Variants in TTC17 observed in about 807,000 individuals in gnomAD.
TTC17 encodes the protein tetratricopeptide repeat protein 17.
Under a neutral mutation model 143.8 loss-of-function variants are expected in TTC17, and 58 were observed. The observed-to-expected ratio is 0.40, with a 90% CI of 0.33 to 0.50. The LOEUF is 0.50. Among genes scored for constraint, TTC17 ranks in the 20% least tolerant of loss-of-function variants. TTC17 has a pLI of 0.49. For synonymous variants in TTC17, 501 were observed against 497.8 expected (o/e 1.01, Z -0.09); for missense variants, 1,273 against 1,392.5 (o/e 0.91, Z 1.37).
chr11:43,391,771 C>T (rs1857398708), intron 4 of TTC17, 50 bp from the exon 5 acceptor site: 1 of 1,586,396 alleles, frequency 6.3e-7, no homozygotes, highest in African/African-American at 1.4e-5. Context: ...AATTATTTGT[C>T]ATCTTTTATA....
intron 21 of TTC17, among the ~76,000 whole-genome samples, chr11:43,480,863 A>G (rs554002431): frequency 6.6e-5 from 10 of 151,522 alleles, no homozygotes; most frequent in African/African-American, 2.2e-4. Flanking sequence ...AGGATGAGCC[A>G]AAAAAAATCA....
At chr11:43,368,827 C>G (rs1450621097) in intron 1 of TTC17, among the ~76,000 whole-genome samples, 2 of 152,230 alleles carry the variant, frequency 1.3e-5, no homozygotes, top group African/African-American at 4.8e-5. Context: ...GATCTAGAAC[C>G]TGGCACCTGT....
chr11:43,426,905 G>T (rs1020331046), intron 16 of TTC17, among the ~76,000 whole-genome samples: 1 of 152,192 alleles, frequency 6.6e-6, no homozygotes, highest in African/African-American at 2.4e-5. Context: ...TTAAGGATTG[G>T]TTTCTGCTCT....
intron 16 of TTC17, among the ~76,000 whole-genome samples, chr11:43,415,695 T>A (rs915572678): frequency 1.3e-5 from 2 of 152,174 alleles, no homozygotes; most frequent in African/African-American, 4.8e-5. Flanking sequence ...AGAAAGTGGT[T>A]TTGTTGATTC....
chr11:43,473,990 A>G (rs1306905602), intron 21 of TTC17, among the ~76,000 whole-genome samples: 1 of 152,222 alleles, frequency 6.6e-6, no homozygotes, highest in African/African-American at 2.4e-5. Context: ...CAGCAATTCT[A>G]CTTTTAGTAA....
intron 16 of TTC17, chr11:43,436,367 G>A: frequency 8.1e-7 from 1 of 1,241,678 alleles, no homozygotes; most frequent in Non-Finnish European, 1.0e-6. Context: ...GTGCTTCTGG[G>A]GAAAAATCAA....
intron 22 of TTC17, 152 bp from the exon 23 acceptor site, chr11:43,491,868 A>C (rs907359445): frequency 7.8e-6 from 7 of 893,256 alleles, no homozygotes; most frequent in African/African-American, 6.7e-5. Context: ...TATCTATCAC[A>C]GACCAGTAGC....
chr11:43,371,286 A>G (rs1856559102), intron 1 of TTC17, among the ~76,000 whole-genome samples: 1 of 152,094 alleles, frequency 6.6e-6, no homozygotes, highest in Non-Finnish European at 1.5e-5. Context: ...ATCAGATCCT[A>G]CAGGTCAAGA....
At chr11:43,411,126 G>A (rs1163076983) in intron 15 of TTC17, among the ~76,000 whole-genome samples, 1 of 152,106 alleles carries the variant, frequency 6.6e-6, no homozygotes, top group Non-Finnish European at 1.5e-5. Flanking sequence ...AGAACTCACG[G>A]GAAAATACGA....
chr11:43,420,185 G>T (rs1946869567), intron 16 of TTC17, among the ~76,000 whole-genome samples: 2 of 152,330 alleles, frequency 1.3e-5, no homozygotes, highest in South Asian at 4.1e-4. Flanking sequence ...ATTACAGTCA[G>T]TCTTTGGCGG....
At chr11:43,429,038 A>G (rs11037436) in intron 16 of TTC17, among the ~76,000 whole-genome samples, 4,282 of 152,290 alleles carry the variant, frequency 0.028, 108 homozygotes, top group South Asian at 0.13. Flanking sequence ...TTTCTGTTCA[A>G]ATAATTTCTT....
chr11:43,432,978 T>A (rs1417569621), intron 16 of TTC17, among the ~76,000 whole-genome samples: 3 of 149,274 alleles, frequency 2.0e-5, no homozygotes, highest in African/African-American at 7.7e-5. Flanking sequence ...TTTTTTTTGT[T>A]GGTTTTTTGG....
rs150490620 is a variant in TTC17 at position 43,462,285 on chromosome 11, A to G, written c.3030+11020A>G. Among the ~76,000 whole-genome samples, 5 of 152,322 alleles carry G rather than the reference A, an allele frequency of 3.3e-5. No homozygotes were observed. In the East Asian group the frequency reaches 9.6e-4, roughly 29 times the overall value. On this transcript the variant is annotated intron_variant, in intron 21 of 23. Coordinates refer to ENST00000039989, the MANE Select transcript of TTC17 (RefSeq NM_018259.6). ...TGTGAAAACTATATACATACACAGT[A>G]TGGAAAGAAGAGGACTTTGCAGATA...
intron 21 of TTC17, among the ~76,000 whole-genome samples, chr11:43,487,764 G>A (rs1365831783): frequency 2.6e-5 from 4 of 152,200 alleles, no homozygotes; most frequent in Non-Finnish European, 2.9e-5. Context: ...TCACTGGTCT[G>A]GGGGCTGGAA....
intron 21 of TTC17, among the ~76,000 whole-genome samples, chr11:43,468,618 A>G (rs1440496134): frequency 1.3e-5 from 2 of 152,192 alleles, no homozygotes; most frequent in Non-Finnish European, 2.9e-5. Flanking sequence ...TACAAGAAAA[A>G]AAAATTGGTA....
chr11:43,370,167 A>C (rs1856508108), intron 1 of TTC17: 2 of 444,346 alleles, frequency 4.5e-6, no homozygotes, highest in Non-Finnish European at 9.0e-6. Context: ...ACCTCAAAGA[A>C]GATGTAAGCC....
intron 16 of TTC17, among the ~76,000 whole-genome samples, chr11:43,439,036 A>G (rs1704828527): frequency 6.6e-6 from 1 of 152,254 alleles, no homozygotes; most frequent in Admixed American, 6.5e-5. Flanking sequence ...TCTCATTAAT[A>G]GCACATTCCC....
In TTC17 at chr11:43,448,035, C is replaced by G. The variant is rs982220021; in HGVS notation, c.2699C>G (p.Pro900Arg). The G allele has an allele frequency of 1.2e-6, 2 of 1,613,950 alleles. No individual in the cohort carries two copies. The highest frequency in any genetic ancestry group is 2.7e-5 in the African/African-American group (2 of 74,920). The change falls in exon 19 of 24, where the codon CCC becomes CGC. Residue 900 changes from proline (P) to arginine (R), a missense_variant. Physicochemically the swap from Pro to Arg is moderately radical, Grantham distance 103. Around this residue, in one of 3 missense-constraint regions of TTC17, gnomAD observed 878 missense variants for 899.8 expected, o/e 0.98. Coordinates refer to ENST00000039989, the MANE Select transcript of TTC17 (RefSeq NM_018259.6). ...KKRDYQRLGW[P>R]SPDECLKLRW... ...CGTGACTACCAGCGTCTGGGATGGC[C>G]CAGCCCGGACGAATGCCTCAAACTC...
intron 21 of TTC17, among the ~76,000 whole-genome samples, chr11:43,457,110 G>A (rs995026073): frequency 6.6e-6 from 1 of 151,988 alleles, no homozygotes; most frequent in African/African-American, 2.4e-5. Flanking sequence ...AGACACCTGA[G>A]GTCATTCCTG....
Sources: allele counts gnomAD v4.1 joint callset (sites outside exome capture counted in the v4.1 genomes callset), GRCh38; gene constraint gnomAD v4.1.1; regional missense constraint gnomAD v4.1.1; transcripts MANE v1.5; gene names NCBI Gene and HGNC (gene_info 2026-07-23, HGNC 2026-07-21).